JARID2: variants seen among roughly 807,000 people sequenced by gnomAD.
The protein encoded by JARID2 is protein Jumonji.
A neutral mutation model predicts 125.6 loss-of-function variants in JARID2; 21 were observed. The observed-to-expected ratio is 0.17, with a 90% CI of 0.12 to 0.24. The LOEUF (loss-of-function observed/expected upper bound fraction) is 0.24, where lower values mean the gene tolerates loss of function less well. Ranked by LOEUF, JARID2 falls within the 10% of genes least tolerant of loss-of-function variation. The pLI is 1.00. For synonymous variants in JARID2, 736 were observed against 661.6 expected (o/e 1.11, Z -1.73); for missense variants, 1,303 against 1,639.6 (o/e 0.79, Z 3.55).
At chr6:15,478,993 T>C (rs2049950) in intron 5 of JARID2, among the ~76,000 whole-genome samples, 118,918 of 152,154 alleles carry the variant, frequency 0.78, 46,522 homozygotes, top group Admixed American at 0.82. Context: ...AACCCAAAAC[T>C]GCAGAAACAT....
chr6:15,423,979 C>T (rs751147820), intron 3 of JARID2, among the ~76,000 whole-genome samples: 1 of 152,168 alleles, frequency 6.6e-6, no homozygotes, highest in Non-Finnish European at 1.5e-5. Flanking sequence ...TGGTCCCTTT[C>T]TCTAGTGGTC....
At chr6:15,345,738 A>T (rs959008667) in intron 1 of JARID2, among the ~76,000 whole-genome samples, 3 of 152,184 alleles carry the variant, frequency 2.0e-5, no homozygotes, top group African/African-American at 7.2e-5. Flanking sequence ...CTGAGAAAGA[A>T]TTCCATTTTC....
chr6:15,329,321 G>T (rs1360559133), intron 1 of JARID2, among the ~76,000 whole-genome samples: 10 of 152,068 alleles, frequency 6.6e-5, no homozygotes, highest in African/African-American at 2.4e-4. Context: ...AGTGAGTTGG[G>T]GAGGGATGGG....
chr6:15,272,784 A>G (rs1182402287), intron 1 of JARID2, among the ~76,000 whole-genome samples: 1 of 152,188 alleles, frequency 6.6e-6, no homozygotes, highest in Non-Finnish European at 1.5e-5. Context: ...TATCTGTAAA[A>G]TGGATGTGAT....
chr6:15,317,917 T>C (rs538698070), intron 1 of JARID2, among the ~76,000 whole-genome samples: 42 of 152,228 alleles, frequency 2.8e-4, no homozygotes, highest in Non-Finnish European at 5.3e-4. Context: ...TGTTTGTTGC[T>C]GGCCAGCAGT....
At chr6:15,275,453 A>C (rs1414723129) in intron 1 of JARID2, among the ~76,000 whole-genome samples, 2 of 144,508 alleles carry the variant, frequency 1.4e-5, no homozygotes, top group Non-Finnish European at 3.0e-5. Context: ...CCAGCTGACT[A>C]GGTGTTCAAG....
intron 1 of JARID2, among the ~76,000 whole-genome samples, chr6:15,349,122 T>A (rs1265036892): frequency 6.6e-6 from 1 of 152,194 alleles, no homozygotes; most frequent in Non-Finnish European, 1.5e-5. Context: ...TGCTTTTCAA[T>A]ATTAAAAGAA....
chr6:15,303,368 G>A (rs1761701499), intron 1 of JARID2, among the ~76,000 whole-genome samples: 2 of 152,258 alleles, frequency 1.3e-5, no homozygotes, highest in South Asian at 4.1e-4. Flanking sequence ...AAGCTCCCAA[G>A]TATGCTACTG....
chr6:15,486,052 A>G (rs1248034795), intron 5 of JARID2, among the ~76,000 whole-genome samples: 1 of 152,232 alleles, frequency 6.6e-6, no homozygotes, highest in Non-Finnish European at 1.5e-5. Flanking sequence ...CAAGTGCCAG[A>G]TGCATGAGTG....
intron 12 of JARID2, chr6:15,509,397 C>T (rs1771166609): frequency 3.1e-6 from 3 of 982,152 alleles, no homozygotes; most frequent in Non-Finnish European, 3.6e-6. Context: ...TTGGAGCCAG[C>T]GTCGGCTGCA....
chr6:15,301,016 A>G (rs933555284), intron 1 of JARID2, among the ~76,000 whole-genome samples: 6 of 152,220 alleles, frequency 3.9e-5, no homozygotes, highest in African/African-American at 7.2e-5. Context: ...TGAAAGAACT[A>G]GGTAAGATTG....
chr6:15,374,373 G>GCCTT, intron 2 of JARID2, 121 bp downstream of exon 2: 1 of 991,452 alleles, frequency 1.0e-6, no homozygotes, highest in Non-Finnish European at 1.5e-6. Flanking sequence ...AAGGCAGTCT[G>GCCTT]TAGGCTAGGT....
At chr6:15,280,629 C>A (rs1033144829) in intron 1 of JARID2, among the ~76,000 whole-genome samples, 2 of 136,744 alleles carry the variant, frequency 1.5e-5, no homozygotes, top group Non-Finnish European at 3.2e-5. Flanking sequence ...CCACACCCTG[C>A]TTTTTTTTTT....
chr6:15,415,802 C>T (rs184198507), intron 3 of JARID2, among the ~76,000 whole-genome samples: 4,610 of 133,572 alleles, frequency 0.035, 81 homozygotes, highest in East Asian at 0.097. Context: ...CCAGACGGGG[C>T]GGCTGGCCGG....
At chr6:15,375,346 C>G (rs1764312324) in intron 2 of JARID2, among the ~76,000 whole-genome samples, 1 of 152,230 alleles carries the variant, frequency 6.6e-6, no homozygotes, top group Admixed American at 6.5e-5. Flanking sequence ...CCTCTGTCCA[C>G]CCTCCCGGGT....
intron 1 of JARID2, among the ~76,000 whole-genome samples, chr6:15,268,398 T>C (rs1183718525): frequency 6.6e-6 from 1 of 152,236 alleles, no homozygotes; most frequent in African/African-American, 2.4e-5. Context: ...AAATGGTTGC[T>C]ACCTCCCTGT....
intron 1 of JARID2, among the ~76,000 whole-genome samples, chr6:15,306,352 G>A (rs1195706925): frequency 6.8e-5 from 2 of 29,572 alleles, no homozygotes; most frequent in South Asian, 1.9e-3. Context: ...TTTTTTTTTT[G>A]AGACGGAGTT....
At chr6:15,306,949 TA>T (rs1388000515) in intron 1 of JARID2, among the ~76,000 whole-genome samples, 3 of 149,100 alleles carry the variant, frequency 2.0e-5, no homozygotes, top group Admixed American at 6.7e-5. Context: ...TTTTTAACAT[TA>T]AAAAATTTAG....
intron 5 of JARID2, among the ~76,000 whole-genome samples, chr6:15,479,434 T>C (rs1008379375): frequency 6.6e-6 from 1 of 152,228 alleles, no homozygotes; most frequent in Non-Finnish European, 1.5e-5. Context: ...AAGTCTGTTA[T>C]TTTATCATTG....
Sources: gnomAD v4.1 joint callset for allele counts (sites outside exome capture counted in the v4.1 genomes callset) on GRCh38, gnomAD v4.1.1 for gene constraint, MANE v1.5 for transcripts, NCBI Gene and HGNC (gene_info 2026-07-23, HGNC 2026-07-21) for gene names.